TRAM2: variants seen among roughly 807,000 people sequenced by gnomAD.
TRAM2 encodes the protein translocation associated membrane protein 2, also known as translocating chain-associated membrane protein 2.
TRAM2 carries 12 observed loss-of-function variants against 51.0 expected under a neutral mutation model. That is an observed-to-expected ratio of 0.24 (90% CI 0.15 to 0.38). The LOEUF (loss-of-function observed/expected upper bound fraction) is 0.38, where lower values mean the gene tolerates loss of function less well. Among genes scored for constraint, TRAM2 ranks in the 10% least tolerant of loss-of-function variants. The pLI is 1.00. For synonymous variants in TRAM2, 175 were observed against 179.4 expected (o/e 0.98, Z 0.20); for missense variants, 361 against 462.0 (o/e 0.78, Z 2.00).
chr6:52,504,871 G>A (rs1430897939), intron 9 of TRAM2, 117 bp from the exon 10 acceptor site: 8 of 881,866 alleles, frequency 9.1e-6, no homozygotes, highest in African/African-American at 1.7e-5. Context: ...TATCACGTCC[G>A]CCTTCACCAC....
intron 2 of TRAM2, among the ~76,000 whole-genome samples, chr6:52,531,851 A>G (rs1219626368): frequency 6.6e-6 from 1 of 152,096 alleles, no homozygotes; most frequent in African/African-American, 2.4e-5. Flanking sequence ...TTTATTACCT[A>G]TCTCTCTCTA....
chr6:52,530,316 C>T (rs548249454), intron 2 of TRAM2, among the ~76,000 whole-genome samples: 2 of 152,252 alleles, frequency 1.3e-5, no homozygotes, highest in South Asian at 4.1e-4. Flanking sequence ...GCATCACTGC[C>T]ACTACTGTGT....
intron 1 of TRAM2, among the ~76,000 whole-genome samples, chr6:52,565,137 C>T (rs1000370694): frequency 1.3e-5 from 2 of 152,082 alleles, no homozygotes; most frequent in African/African-American, 2.4e-5. Context: ...AGCCTTTAGG[C>T]GGGCATCTTG....
intron 4 of TRAM2, among the ~76,000 whole-genome samples, chr6:52,512,225 A>C (rs955577507): frequency 1.3e-5 from 2 of 152,188 alleles, no homozygotes; most frequent in South Asian, 2.1e-4. Context: ...GAGCAATGTA[A>C]AGCCCAGAAA....
At chr6:52,506,632 G>A (rs1160389551) in intron 7 of TRAM2, among the ~76,000 whole-genome samples, 1 of 152,160 alleles carries the variant, frequency 6.6e-6, no homozygotes, top group African/African-American at 2.4e-5. Context: ...CCACTGCTAC[G>A]GTGACAGTGC....
At chr6:52,521,050 G>A (rs1166560161) in intron 2 of TRAM2, among the ~76,000 whole-genome samples, 5 of 151,944 alleles carry the variant, frequency 3.3e-5, no homozygotes, top group Non-Finnish European at 7.4e-5. Context: ...TTACAGGCGC[G>A]GGCCACCAGT....
chr6:52,509,592 G>A lies in TRAM2; in HGVS notation c.412-6C>T, dbSNP rs763253466. The A allele has an allele frequency of 1.9e-6, 3 of 1,613,950 alleles. No individual in the cohort carries two copies. Among genetic ancestry groups the A allele is most frequent in the Non-Finnish European group, 8.5e-7 (1 of 1,179,892 alleles). ...GGGTTTGTTAAGTATCCTTCCTGCAGTGGGCAAGAAGAGAGACCATTTAGA... is the reference window on the plus strand; with the variant it reads ...GGGTTTGTTAAGTATCCTTCCTGCAATGGGCAAGAAGAGAGACCATTTAGA... On this transcript the variant is annotated splice_polypyrimidine_tract_variant and splice_region_variant and intron_variant, in intron 4 of 10. Transcript: ENST00000182527.
intron 4 of TRAM2, among the ~76,000 whole-genome samples, chr6:52,512,539 A>G (rs1766469641): frequency 6.6e-6 from 1 of 152,188 alleles, no homozygotes. Flanking sequence ...CTGAGTCCAC[A>G]GGGGGCTGAG....
At chr6:52,520,269 C>G (rs957980631) in intron 2 of TRAM2, among the ~76,000 whole-genome samples, 27 of 152,300 alleles carry the variant, frequency 1.8e-4, no homozygotes, top group African/African-American at 6.3e-4. Context: ...GGAAGCACCC[C>G]TTAGAGGTCA....
At chr6:52,574,726 T>C (rs1254444464) in intron 1 of TRAM2, among the ~76,000 whole-genome samples, 1 of 152,200 alleles carries the variant, frequency 6.6e-6, no homozygotes, top group Non-Finnish European at 1.5e-5. Flanking sequence ...ATACTGGAAG[T>C]AACAGCTCTT....
chr6:52,543,652 T>A (rs1348696776), intron 1 of TRAM2, among the ~76,000 whole-genome samples: 2 of 152,186 alleles, frequency 1.3e-5, no homozygotes, highest in Non-Finnish European at 2.9e-5. Flanking sequence ...CTCACCGGTG[T>A]AGCACAGTGT....
intron 2 of TRAM2, among the ~76,000 whole-genome samples, chr6:52,522,381 G>A (rs1279555796): frequency 6.6e-6 from 1 of 152,210 alleles, no homozygotes; most frequent in East Asian, 1.9e-4. Flanking sequence ...TGTTTCAAAA[G>A]CAAAGAAAAA....
At chr6:52,544,404 T>A (rs1767161121) in intron 1 of TRAM2, among the ~76,000 whole-genome samples, 1 of 151,868 alleles carries the variant, frequency 6.6e-6, no homozygotes, top group South Asian at 2.1e-4. Flanking sequence ...AAATGAGGGG[T>A]CCCAAGGAGT....
rs1231018386 is a variant in TRAM2 at position 52,502,575 on chromosome 6, G to C, written c.*622C>G. On this transcript the variant is annotated 3_prime_UTR_variant, in exon 11 of 11. Coordinates refer to ENST00000182527, the MANE Select transcript of TRAM2 (RefSeq NM_012288.4). Reference sequence around the variant, plus strand: ...GTCACGTCCCAAAGCCAAATGCCTTGGCATTTACAACGAGCAGTGGCTGCT... The same window carrying C: ...GTCACGTCCCAAAGCCAAATGCCTTCGCATTTACAACGAGCAGTGGCTGCT... 6.6e-6 allele frequency: 1 copy of C among 152,318 alleles called. No homozygotes were observed. The highest frequency in any genetic ancestry group is 1.5e-5 in the Non-Finnish European group (1 of 68,142). The allele number at this position is 152,318 out of a possible 1,614,324, so 9.4% of individuals were successfully genotyped here. A position where few individuals can be genotyped will look rare whatever the true frequency, so the allele number is the denominator to read the frequency against.
intron 10 of TRAM2, among the ~76,000 whole-genome samples, 200 bp from the exon 11 acceptor site, chr6:52,503,470 G>A (rs529793858): frequency 6.6e-6 from 1 of 152,210 alleles, no homozygotes; most frequent in South Asian, 2.1e-4. Flanking sequence ...GTCTTCCCCA[G>A]GGCCCTGGAC....
chr6:52,499,135 G>A lies in TRAM2; in HGVS notation c.*4062C>T, dbSNP rs1766152324. ...GAAGTTGGTAAAGTCTTCCTCACTG[G>A]GACAACCTTGAGCTGGAGAGAGATC... On this transcript the variant is annotated 3_prime_UTR_variant, in exon 11 of 11. Transcript: ENST00000182527. 1 of 152,040 alleles carries A rather than the reference G, an allele frequency of 6.6e-6. No homozygotes were observed. The highest frequency in any genetic ancestry group is 2.1e-4 in the South Asian group (1 of 4,818). 9.4% of individuals were successfully genotyped at this position (152,040 alleles called of 1,614,324 possible).
intron 1 of TRAM2, among the ~76,000 whole-genome samples, chr6:52,553,963 C>T (rs962165043): frequency 1.3e-5 from 2 of 152,140 alleles, no homozygotes; most frequent in South Asian, 2.1e-4. Context: ...TTAACAAATA[C>T]GTGCTGATAA....
chr6:52,574,825 C>G (rs531655102), intron 1 of TRAM2, among the ~76,000 whole-genome samples: 4 of 152,184 alleles, frequency 2.6e-5, no homozygotes, highest in Non-Finnish European at 5.9e-5. Context: ...GTACCAAACT[C>G]AAATGCTGGC....
At position 52,515,446 on chromosome 6, in the gene TRAM2, T is replaced by C. The variant is rs182469192; in HGVS notation, c.411+560A>G. Among the ~76,000 whole-genome samples the C allele has an allele frequency of 4.1e-3, 623 of 152,324 alleles. 4 individuals are homozygous for C. Among genetic ancestry groups the C allele is most frequent in the African/African-American group, 0.014 (592 of 41,582 alleles). On this transcript the variant is annotated intron_variant, in intron 4 of 10. Transcript: ENST00000182527. ...CCTGCAGGCATTTGTTGAAACGGCA[T>C]TGACTCTCACAGGATTTGATGAGCT...
Sources: gnomAD v4.1 joint callset for allele counts (sites outside exome capture counted in the v4.1 genomes callset) on GRCh38, gnomAD v4.1.1 for gene constraint, MANE v1.5 for transcripts, NCBI Gene and HGNC (gene_info 2026-07-23, HGNC 2026-07-21) for gene names.